Variants in EIPR1 observed in about 807,000 individuals in gnomAD.
EIPR1 encodes the protein EARP complex and GARP complex interacting protein 1.
EIPR1 carries 25 observed loss-of-function variants against 48.1 expected under a neutral mutation model. That is an observed-to-expected ratio of 0.52 (90% CI 0.38 to 0.73). The LOEUF (loss-of-function observed/expected upper bound fraction) is 0.73, where lower values mean the gene tolerates loss of function less well. Ranked by LOEUF, EIPR1 falls within the 30% of genes least tolerant of loss-of-function variation. The pLI, the probability that EIPR1 is intolerant of heterozygous loss-of-function variation, is 0.00. For synonymous variants in EIPR1, 204 were observed against 201.9 expected, an observed-to-expected ratio of 1.01 and a Z score of -0.09; for missense variants, 415 against 506.2, an observed-to-expected ratio of 0.82 and a Z score of 1.73.
At chr2:3,214,395 A>C in intron 4 of EIPR1, 147 bp from the exon 5 acceptor site, 1 of 642,746 alleles carries the variant, frequency 1.6e-6, no homozygotes. Flanking sequence ...GTCACCCGGC[A>C]ATGCCTGACA....
chr2:3,223,860 G>A (rs904544628), intron 4 of EIPR1, among the ~76,000 whole-genome samples: 2 of 151,990 alleles, frequency 1.3e-5, no homozygotes, highest in Non-Finnish European at 2.9e-5. Flanking sequence ...CCCCAGCTCC[G>A]ACCACATGTC....
At chr2:3,282,361 C>G (rs983636666) in intron 3 of EIPR1, 2 of 152,272 alleles carry the variant, frequency 1.3e-5, no homozygotes, top group Non-Finnish European at 2.9e-5. Context: ...GTCTTTCCAG[C>G]CTTTTGTGTG....
chr2:3,277,147 G>T (rs1325903464), intron 3 of EIPR1, among the ~76,000 whole-genome samples: 1 of 152,016 alleles, frequency 6.6e-6, no homozygotes, highest in African/African-American at 2.4e-5. Flanking sequence ...TGCAATGTTG[G>T]GGGAGAAACC....
rs1488653700 is a variant in EIPR1 at position 3,194,127 on chromosome 2, C to T, written c.693G>A (p.Val231=). ...YCIENAHGQL[V]RDLDFNPNKQ... ...TATTGGGATTAAAGTCAAGGTCCCG[C>T]ACCAGCTGTCCGTGGGCATTCTCTA... Residue 231 remains valine, a synonymous_variant, in exon 7 of 9, where the codon GTG becomes GTA. Coordinates refer to ENST00000382125, the MANE Select transcript of EIPR1 (RefSeq NM_003310.5). 2.5e-6 allele frequency: 4 copies of T among 1,613,816 alleles called. No individual in the cohort carries two copies. The highest frequency in any genetic ancestry group is 2.2e-5 in the South Asian group (2 of 91,084).
intron 4 of EIPR1, among the ~76,000 whole-genome samples, chr2:3,245,927 C>A (rs1341693191): frequency 6.6e-6 from 1 of 152,154 alleles, no homozygotes; most frequent in Non-Finnish European, 1.5e-5. Flanking sequence ...CTCATCTCTA[C>A]ATAAAATTTA....
chr2:3,280,811 C>T (rs1235302512), intron 3 of EIPR1, among the ~76,000 whole-genome samples: 1 of 152,152 alleles, frequency 6.6e-6, no homozygotes, highest in Non-Finnish European at 1.5e-5. Flanking sequence ...AGAGGCAGCT[C>T]CTCTCAGCCT....
chr2:3,272,544 T>C lies in EIPR1; in HGVS notation c.260-15089A>G, dbSNP rs114277213. 5.3e-3 allele frequency among the ~76,000 whole-genome samples: 807 copies of C among 152,252 alleles called. 9 individuals are homozygous for C. Among genetic ancestry groups the C allele is most frequent in the African/African-American group, 0.019 (769 of 41,538 alleles). On this transcript the variant is annotated intron_variant, in intron 3 of 8. Transcript: ENST00000382125. ...AGAGAGGCCTGAGGAAAGAGAGAGA[T>C]GAGGAAACTGCCGGTTGATGGAGCA...
intron 1 of EIPR1, among the ~76,000 whole-genome samples, chr2:3,360,887 T>C (rs1367433816): frequency 6.8e-6 from 1 of 146,920 alleles, no homozygotes; most frequent in Admixed American, 6.9e-5. Flanking sequence ...ATCACCAGGA[T>C]GACCCTCAGG....
intron 2 of EIPR1, among the ~76,000 whole-genome samples, chr2:3,351,362 C>A (rs998398326): frequency 6.6e-6 from 1 of 152,120 alleles, no homozygotes; most frequent in African/African-American, 2.4e-5. Context: ...ATGTCATTAC[C>A]AAATGGAAAT....
chr2:3,229,389 C>A (rs1666166651), intron 4 of EIPR1, among the ~76,000 whole-genome samples: 1 of 152,186 alleles, frequency 6.6e-6, no homozygotes, highest in Admixed American at 6.5e-5. Context: ...TGGTGTCTTT[C>A]CAGGGCAATA....
In EIPR1 at chr2:3,377,667, A is replaced by G; in HGVS notation, c.23T>C (p.Ile8Thr). 1 of 1,581,694 alleles carries G rather than the reference A, an allele frequency of 6.3e-7. No homozygotes were observed. The highest frequency in any genetic ancestry group is 8.6e-7 in the Non-Finnish European group (1 of 1,163,414). Residue 8 changes from isoleucine (I) to threonine (T), a missense_variant, in exon 1 of 9, where the codon ATC becomes ACC. Ile to Thr is a moderately conservative substitution (Grantham distance 89). Transcript: ENST00000382125. MEDDAPV[I>T]YGLEFQARAL... ...ACCCACCTGGAACTCCAGCCCGTAG[A>G]TCACTGGTGCATCGTCCTCCATGCT...
chr2:3,271,368 A>G (rs1017189709), intron 3 of EIPR1, among the ~76,000 whole-genome samples: 1 of 152,208 alleles, frequency 6.6e-6, no homozygotes, highest in East Asian at 1.9e-4. Context: ...TCAATTTACT[A>G]TGCCAAGACC....
intron 3 of EIPR1, among the ~76,000 whole-genome samples, chr2:3,289,862 A>T (rs1431808926): frequency 1.3e-5 from 2 of 152,170 alleles, no homozygotes; most frequent in East Asian, 3.9e-4. Context: ...AGGCCACAAG[A>T]TACTGGCCCC....
At chr2:3,221,997 T>TG (rs376861455) in intron 4 of EIPR1, among the ~76,000 whole-genome samples, 61 of 152,276 alleles carry the variant, frequency 4.0e-4, no homozygotes, top group African/African-American at 1.4e-3. Context: ...GCGGTTTTTT[T>TG]TTTGTTTGTT....
At chr2:3,275,284 G>A (rs756981431) in intron 3 of EIPR1, among the ~76,000 whole-genome samples, 1 of 149,904 alleles carries the variant, frequency 6.7e-6, no homozygotes, top group Non-Finnish European at 1.5e-5. Flanking sequence ...CTGAGCAAAA[G>A]CAGTAAGGGT....
intron 1 of EIPR1, among the ~76,000 whole-genome samples, 181 bp from the exon 2 acceptor site, chr2:3,354,814 ACACAATTC>A (rs1670682039): frequency 6.6e-6 from 1 of 152,262 alleles, no homozygotes; most frequent in South Asian, 2.1e-4. Context: ...CACACTTTCA[ACACAATTC>A]CACTTCAAAT....
chr2:3,367,646 C>T (rs891388303), intron 1 of EIPR1, among the ~76,000 whole-genome samples: 11 of 152,284 alleles, frequency 7.2e-5, no homozygotes, highest in Non-Finnish European at 1.5e-4. Flanking sequence ...AGGATGCAAA[C>T]GCTGGGCCAA....
chr2:3,291,109 C>A (rs553829741), intron 3 of EIPR1, among the ~76,000 whole-genome samples: 2 of 152,286 alleles, frequency 1.3e-5, no homozygotes, highest in South Asian at 4.1e-4. Context: ...GCCTCAGATG[C>A]GAGGCTGGAT....
At chr2:3,279,400 C>T (rs1053534247) in intron 3 of EIPR1, among the ~76,000 whole-genome samples, 2 of 152,262 alleles carry the variant, frequency 1.3e-5, no homozygotes, top group South Asian at 4.1e-4. Context: ...TTGAGCCCAG[C>T]GAGGTAGCGT....
Sources: gnomAD v4.1 joint callset for allele counts (sites outside exome capture counted in the v4.1 genomes callset) on GRCh38, gnomAD v4.1.1 for gene constraint, MANE v1.5 for transcripts, NCBI Gene and HGNC (gene_info 2026-07-23, HGNC 2026-07-21) for gene names.